The following IGFALS variants were observed in gnomAD, a reference collection of about 807,000 sequenced individuals.
IGFALS encodes insulin like growth factor binding protein acid labile subunit.
IGFALS carries 2 observed loss-of-function variants against 2.6 expected under a neutral mutation model. The observed-to-expected ratio is 0.77, with a 90% CI of 0.32 to 2.44. The LOEUF is 2.44. Ranked by LOEUF, IGFALS falls within the 30% of genes most tolerant of loss-of-function variation. The pLI is 0.11. For missense variants in IGFALS, 996 were observed against 848.7 expected (o/e 1.17, Z -2.16); for synonymous variants, 519 against 431.9 (o/e 1.20, Z -2.50).
Position 1,791,084 on chromosome 16 carries a change from T to C in IGFALS, c.1334A>G (p.Gln445Arg). The C allele has an allele frequency of 6.3e-7, 1 of 1,599,254 alleles. No individual in the cohort carries two copies. Among genetic ancestry groups the C allele is most frequent in the Non-Finnish European group, 8.5e-7 (1 of 1,179,592 alleles). Reference protein sequence around the residue: ...ELLELDLTSNQLTHLPHRLFQ... With the variant: ...ELLELDLTSNRLTHLPHRLFQ... The stretch of plus-strand genomic sequence containing the variant: ...GAGGCGGTGGGGCAGGTGCGTGAGC[T>C]GGTTGGAGGTCAGGTCGAGCTCCAG... Residue 445 changes from glutamine to arginine, a missense_variant, in exon 2 of 2, where the codon CAG becomes CGG. Coordinates refer to ENST00000215539, the MANE Select transcript of IGFALS (RefSeq NM_004970.3).
upstream of IGFALS, among the ~76,000 whole-genome samples, chr16:1,794,224 T>C (rs1567243409): frequency 6.6e-6 from 1 of 152,132 alleles, no homozygotes; most frequent in Non-Finnish European, 1.5e-5. Context: ...CGTTTGGGCT[T>C]CAGGCCCACG....
rs376775881 is a variant in IGFALS at position 1,792,298 on chromosome 16, C to T, written c.120G>A (p.Ala40=). 13 of 1,598,704 alleles carry T rather than the reference C, an allele frequency of 8.1e-6. No homozygotes were observed. Among genetic ancestry groups the T allele is most frequent in the East Asian group, 4.5e-5 (2 of 44,866 alleles). The stretch of plus-strand genomic sequence containing the variant: ...AGCTGCAGACACAGGCGGCCGGGCA[C>T]GCTGGGCCCTCGGCTTCCCCCGGCG... ...PGTPGEAEGP[A]CPAACVCSYD... Residue 40 remains alanine (A), a synonymous_variant, in exon 2 of 2, where the codon GCG becomes GCA. Coordinates refer to ENST00000215539, the MANE Select transcript of IGFALS (RefSeq NM_004970.3).
upstream of IGFALS, among the ~76,000 whole-genome samples, chr16:1,794,426 C>T (rs1300671456): frequency 6.6e-6 from 1 of 152,182 alleles, no homozygotes; most frequent in African/African-American, 2.4e-5. Flanking sequence ...TCTTGTGCCT[C>T]AGACAAGCCT....
upstream of IGFALS, chr16:1,794,692 GCTGT>G: frequency 1.6e-6 from 1 of 607,400 alleles, no homozygotes; most frequent in Non-Finnish European, 2.9e-6. Flanking sequence ...CCCTCCCCTG[GCTGT>G]CAGTGGGGCC....
chr16:1,792,231 T>A lies in IGFALS; in HGVS notation c.187A>T (p.Arg63Trp). The A allele has an allele frequency of 6.2e-7, 1 of 1,606,182 alleles. No individual in the cohort carries two copies. The highest frequency in any genetic ancestry group is 8.5e-7 in the Non-Finnish European group (1 of 1,179,674). The change falls in exon 2 of 2, where the codon AGG becomes TGG. Residue 63 changes from arginine (R) to tryptophan (W), a missense_variant. Physicochemically the swap from Arg to Trp is moderately radical, Grantham distance 101. Transcript: ENST00000215539. ...CCATCAGGCAGGCGCGTGAGGTTCCTGGAGCTGCAGAAGACGCTGAGCTCA... is the reference window on the plus strand; with the variant it reads ...CCATCAGGCAGGCGCGTGAGGTTCCAGGAGCTGCAGAAGACGCTGAGCTCA... The part of the protein sequence containing the change: ...ADELSVFCSS[R>W]NLTRLPDGVP...
chr16:1,792,150 G>A lies in IGFALS; in HGVS notation c.268C>T (p.Pro90Ser), dbSNP rs764045124. The change falls in exon 2 of 2, where the codon CCC (proline) becomes TCC (serine). Residue 90 changes from proline (P) to serine (S), a missense_variant. Coordinates refer to ENST00000215539, the MANE Select transcript of IGFALS (RefSeq NM_004970.3). ...WLDGNNLSSV[P>S]PAAFQNLSSL... is the part of the protein sequence containing the mutation. ...GAGAGGTTCTGGAAGGCTGCCGGGG[G>A]GACGGACGAGAGGTTGTTGCCGTCC... 1 of 1,611,538 alleles carries A rather than the reference G, an allele frequency of 6.2e-7. No individual in the cohort carries two copies. The highest frequency in any genetic ancestry group is 1.1e-5 in the South Asian group (1 of 90,960).
chr16:1,790,784 T>C lies in IGFALS; in HGVS notation c.1634A>G (p.Lys545Arg). Reference sequence around the variant, plus strand: ...CTGCAGGGCGAAGTCCCGCAGCGCCTTGAGAGGGCAGCCACAGTCCCAGGG... The same window carrying C: ...CTGCAGGGCGAAGTCCCGCAGCGCCCTGAGAGGGCAGCCACAGTCCCAGGG... ...GNPWDCGCPLKALRDFALQNP... is the reference protein window; with the variant it reads ...GNPWDCGCPLRALRDFALQNP... The change falls in exon 2 of 2, where the codon AAG becomes AGG. Residue 545 changes from lysine (K) to arginine (R), a missense_variant. Coordinates refer to ENST00000215539, the MANE Select transcript of IGFALS (RefSeq NM_004970.3). The C allele has an allele frequency of 6.3e-7, 1 of 1,578,882 alleles. No homozygotes were observed. Among genetic ancestry groups the C allele is most frequent in the East Asian group, 2.3e-5 (1 of 42,564 alleles).
At chr16:1,794,559 C>T (rs369302625), upstream of IGFALS, among the ~76,000 whole-genome samples, 16 of 152,270 alleles carry the variant, frequency 1.1e-4, no homozygotes, top group South Asian at 3.3e-3. Flanking sequence ...CCCTGGGCTC[C>T]GTCTCCACCT....
upstream of IGFALS, among the ~76,000 whole-genome samples, chr16:1,794,215 G>A (rs1177957103): frequency 5.3e-5 from 8 of 152,124 alleles, no homozygotes; most frequent in African/African-American, 1.2e-4. Flanking sequence ...GGGAGCTGCC[G>A]TTTGGGCTTC....
chr16:1,791,745 G>A lies in IGFALS; in HGVS notation c.673C>T (p.Leu225=), dbSNP rs1210956393. 2 of 1,552,486 alleles carry A rather than the reference G, an allele frequency of 1.3e-6. No homozygotes were observed. Among genetic ancestry groups the A allele is most frequent in the South Asian group, 1.2e-5 (1 of 84,884 alleles). Residue 225 remains leucine (L), a synonymous_variant, in exon 2 of 2, where the codon CTG becomes TTG. Coordinates refer to ENST00000215539, the MANE Select transcript of IGFALS (RefSeq NM_004970.3). ...ATGGCCCGCAGCGCGTTCCTGCTCA[G>A]GTCCAGCTCCCGGAGCTCGGCCAGG... is the stretch of plus-strand genomic sequence containing the variant. The part of the protein sequence containing the change: ...SGLAELRELD[L]SRNALRAIKA...
chr16:1,790,863 G>A lies in IGFALS; in HGVS notation c.1555C>T (p.Arg519Trp), dbSNP rs888881437. The A allele has an allele frequency of 2.2e-5, 35 of 1,567,442 alleles. No homozygotes were observed. The highest frequency in any genetic ancestry group is 3.4e-4 in the Middle Eastern group (2 of 5,886). The change falls in exon 2 of 2, where the codon CGG becomes TGG. Residue 519 changes from arginine to tryptophan, a missense_variant. Transcript: ENST00000215539. ...RYLSLRNNSLRTFTPQPPGLE... is the reference protein window; with the variant it reads ...RYLSLRNNSLWTFTPQPPGLE... ...CCCGGGGGCTGCGGCGTGAAGGTCC[G>A]CAGTGAGTTGTTCCTGAGGCTGAGG...
chr16:1,792,549 T>G, intron 1 of IGFALS, 148 bp from the exon 2 acceptor site: 1 of 1,392,712 alleles, frequency 7.2e-7, no homozygotes. Flanking sequence ...GCCCCACAGG[T>G]CCTCCGGCTC....
Position 1,790,843 on chromosome 16 carries a change from G to C in IGFALS, c.1575C>G (p.Pro525=). ...CCAGCCACAGGCGCTCCAGGCCCGG[G>C]GGCTGCGGCGTGAAGGTCCGCAGTG... ...NNSLRTFTPQ[P]PGLERLWLEG... The change falls in exon 2 of 2, where the codon CCC becomes CCG. Residue 525 remains proline (P), a synonymous_variant. Coordinates refer to ENST00000215539, the MANE Select transcript of IGFALS (RefSeq NM_004970.3). The C allele has an allele frequency of 1.3e-6, 2 of 1,567,040 alleles. No individual in the cohort carries two copies. The highest frequency in any genetic ancestry group is 1.7e-6 in the Non-Finnish European group (2 of 1,156,982).
Position 1,791,340 on chromosome 16 carries a change from C to G in IGFALS, c.1078G>C (p.Gly360Arg), listed in dbSNP as rs1324239103. ...LQEVKAGAFLGLTNVAVMNLS... is the reference protein window; with the variant it reads ...LQEVKAGAFLRLTNVAVMNLS... Reference sequence around the variant, plus strand: ...TTCATGACCGCCACGTTGGTGAGGCCGAGGAAAGCGCCCGCCTTGACCTCC... The same window carrying G: ...TTCATGACCGCCACGTTGGTGAGGCGGAGGAAAGCGCCCGCCTTGACCTCC... The change falls in exon 2 of 2, where the codon GGC (glycine) becomes CGC (arginine). Residue 360 changes from glycine (G) to arginine (R), a missense_variant. Gly to Arg is a moderately radical substitution (Grantham distance 125). Coordinates refer to ENST00000215539, the MANE Select transcript of IGFALS (RefSeq NM_004970.3). 3 of 1,608,144 alleles carry G rather than the reference C, an allele frequency of 1.9e-6. No individual in the cohort carries two copies. The highest frequency in any genetic ancestry group is 1.7e-6 in the Non-Finnish European group (2 of 1,179,948).
rs1019406795 is a variant in IGFALS at position 1,792,763 on chromosome 16, G to A, written c.17-362C>T. Among the ~76,000 whole-genome samples the A allele has an allele frequency of 3.3e-5, 5 of 152,366 alleles. No individual in the cohort carries two copies. In the South Asian group the frequency reaches 1.0e-3, roughly 32 times the overall value. ...GGCCAGTCTGCCACGTTGGCCTAGAGGAAGGGGAGGGAACTGAGCCATTGG... is the reference window on the plus strand; with the variant it reads ...GGCCAGTCTGCCACGTTGGCCTAGAAGAAGGGGAGGGAACTGAGCCATTGG... On this transcript the variant is annotated intron_variant, in intron 1 of 1. Coordinates refer to ENST00000215539, the MANE Select transcript of IGFALS (RefSeq NM_004970.3).
rs771422458 is a variant in IGFALS at position 1,791,521 on chromosome 16, G to A, written c.897C>T (p.His299=). The change falls in exon 2 of 2, where the codon CAC becomes CAT. Residue 299 remains histidine (H), a synonymous_variant. Transcript: ENST00000215539. ...LLGLRVLRLS[H]NAIASLRPRT... ...GGGGCCGCAGGCTGGCGATGGCGTT[G>A]TGGGACAGCCGCAGCACACGCAGGC... is the stretch of plus-strand genomic sequence containing the variant. 28 of 1,599,724 alleles carry A rather than the reference G, an allele frequency of 1.8e-5. No homozygotes were observed. The highest frequency in any genetic ancestry group is 2.4e-5 in the Non-Finnish European group (28 of 1,174,300).
rs369848154 is a variant in IGFALS, at chr16:1,791,018, C to T, written c.1400G>A (p.Arg467His). Reference protein sequence around the residue: ...LGKLEYLLLSRNRLAELPADA... With the variant: ...LGKLEYLLLSHNRLAELPADA... ...CGCCGGCAGCTCTGCCAGGCGGTTG[C>T]GGGAGAGCAGCAGGTACTCCAGCTT... is the stretch of plus-strand genomic sequence containing the variant. Residue 467 changes from arginine to histidine, a missense_variant, in exon 2 of 2, where the codon CGC becomes CAC. Arg to His is a conservative substitution (Grantham distance 29, BLOSUM62 0). Coordinates refer to ENST00000215539, the MANE Select transcript of IGFALS (RefSeq NM_004970.3). 2.2e-5 allele frequency: 35 copies of T among 1,598,022 alleles called. No individual in the cohort carries two copies. Among genetic ancestry groups the T allele is most frequent in the Admixed American group, 1.2e-4 (7 of 59,950 alleles).
rs576766282 is a variant in IGFALS, at chr16:1,791,995, C to A, written c.423G>T (p.Thr141=). 6.2e-7 allele frequency: 1 copy of A among 1,608,392 alleles called. No homozygotes were observed. The highest frequency in any genetic ancestry group is 8.5e-7 in the Non-Finnish European group (1 of 1,178,894). ...AGGCCAGCGCGGGCGTGTGTGCAAA[C>A]GTGCCGAGTGCCAGGCTGCGCAGCT... The part of the protein sequence containing the change: ...RNQLRSLALG[T]FAHTPALASL... The change falls in exon 2 of 2, where the codon ACG becomes ACT. Residue 141 remains threonine (T), a synonymous_variant. Coordinates refer to ENST00000215539, the MANE Select transcript of IGFALS (RefSeq NM_004970.3).
In IGFALS at chr16:1,791,498, G is replaced by A. The variant is rs34297640; in HGVS notation, c.920C>T (p.Pro307Leu). The change falls in exon 2 of 2, where the codon CCC becomes CTC. Residue 307 changes from proline (P) to leucine (L), a missense_variant. Transcript: ENST00000215539. The part of the protein sequence containing the change: ...LSHNAIASLR[P>L]RTFKDLHFLE... ...GAAGTGCAGGTCCTTGAAGGTGCGGGGCCGCAGGCTGGCGATGGCGTTGTG... is the reference window on the plus strand; with the variant it reads ...GAAGTGCAGGTCCTTGAAGGTGCGGAGCCGCAGGCTGGCGATGGCGTTGTG... 8.9e-5 allele frequency: 143 copies of A among 1,610,034 alleles called. 1 individual carries two copies. In the East Asian group the frequency reaches 2.1e-3, roughly 24 times the overall value.
Sources: gnomAD v4.1 joint callset for allele counts (sites outside exome capture counted in the v4.1 genomes callset) on GRCh38, gnomAD v4.1.1 for gene constraint, MANE v1.5 for transcripts, NCBI Gene and HGNC (gene_info 2026-07-23, HGNC 2026-07-21) for gene names.